Variants in GALNT17 observed in about 807,000 individuals in gnomAD.
The protein encoded by GALNT17 is UDP-GalNAc:polypeptide N-acetylgalactosaminyltransferase-like 3.
Under a neutral mutation model 63.7 loss-of-function variants are expected in GALNT17, and 29 were observed. That is an observed-to-expected ratio of 0.46 (90% confidence interval 0.34 to 0.62). The LOEUF is 0.62. Ranked by LOEUF, GALNT17 falls within the 20% of genes least tolerant of loss-of-function variation. GALNT17 has a pLI of 0.01. For synonymous variants in GALNT17, 305 were observed against 318.3 expected (o/e 0.96, Z 0.45); for missense variants, 603 against 799.6 (o/e 0.75, Z 2.97).
intron 5 of GALNT17, among the ~76,000 whole-genome samples, chr7:71,486,642 G>GC (rs1024305754): frequency 6.6e-6 from 1 of 151,220 alleles, no homozygotes; most frequent in Non-Finnish European, 1.5e-5. Flanking sequence ...GATTGCTTGA[G>GC]CCCAGCAGTT....
intron 5 of GALNT17, among the ~76,000 whole-genome samples, chr7:71,528,358 C>T (rs1039663644): frequency 3.3e-5 from 5 of 152,166 alleles, no homozygotes; most frequent in African/African-American, 1.2e-4. Context: ...ACATCAGCAA[C>T]AGCAAAATTG....
At chr7:71,170,605 G>A (rs192548285) in intron 1 of GALNT17, among the ~76,000 whole-genome samples, 17 of 152,110 alleles carry the variant, frequency 1.1e-4, no homozygotes, top group Middle Eastern at 6.8e-3. Context: ...CAAAGTGCTG[G>A]GATTACAGGC....
chr7:71,524,264 A>C (rs528855475), intron 5 of GALNT17, among the ~76,000 whole-genome samples: 1 of 147,576 alleles, frequency 6.8e-6, no homozygotes, highest in African/African-American at 2.5e-5. Flanking sequence ...ATTATATTAT[A>C]TATAATTATA....
At chr7:71,701,805 A>G (rs866116029) in intron 9 of GALNT17, among the ~76,000 whole-genome samples, 540 of 21,198 alleles carry the variant, frequency 0.025, 9 homozygotes, top group Middle Eastern at 0.038. Flanking sequence ...GTGTGTGTGT[A>G]TATATATATA....
intron 1 of GALNT17, among the ~76,000 whole-genome samples, chr7:71,162,436 T>TCATCCATC (rs1241716615): frequency 1.7e-5 from 2 of 120,776 alleles, no homozygotes; most frequent in Admixed American, 8.0e-5. Context: ...ATCCATCCAT[T>TCATCCATC]CATCCATCCA....
intron 2 of GALNT17, among the ~76,000 whole-genome samples, chr7:71,385,036 T>A (rs545587190): frequency 6.6e-6 from 1 of 152,008 alleles, no homozygotes; most frequent in Non-Finnish European, 1.5e-5. Flanking sequence ...TCTGGGTGAT[T>A]GGGGTGGGGC....
chr7:71,295,954 A>G (rs1447883250), intron 1 of GALNT17, among the ~76,000 whole-genome samples: 10 of 151,200 alleles, frequency 6.6e-5, no homozygotes, highest in East Asian at 1.9e-4. Context: ...TCTGATTCAC[A>G]TATTTTCCTT....
chr7:71,338,440 C>T (rs1791951595), intron 2 of GALNT17, among the ~76,000 whole-genome samples: 1 of 151,978 alleles, frequency 6.6e-6, no homozygotes, highest in African/African-American at 2.4e-5. Flanking sequence ...TGAGGGTCAC[C>T]TGAGTCTGGG....
rs752906357 is a variant in GALNT17, at chr7:71,624,524, G to A, written c.1081-40887G>A. Among the ~76,000 whole-genome samples, 299 of 151,930 alleles carry A rather than the reference G, an allele frequency of 2.0e-3. 1 individual carries two copies. The highest frequency in any genetic ancestry group is 3.1e-3 in the Non-Finnish European group (210 of 68,024). ...GACGTAAAAGAGAATGGAGAAAAAT[G>A]ATGGTTTCATCAGTAAGTGTCATTC... is the stretch of plus-strand genomic sequence containing the variant. On this transcript the variant is annotated intron_variant, in intron 6 of 10. Transcript: ENST00000333538.
chr7:71,705,466 A>C (rs1791709735), intron 9 of GALNT17, among the ~76,000 whole-genome samples: 1 of 152,194 alleles, frequency 6.6e-6, no homozygotes, highest in South Asian at 2.1e-4. Context: ...GTTCCGTAGA[A>C]AGTTAAACAT....
chr7:71,445,427 C>T (rs866854886), intron 5 of GALNT17, among the ~76,000 whole-genome samples: 6 of 151,778 alleles, frequency 4.0e-5, no homozygotes, highest in African/African-American at 1.2e-4. Flanking sequence ...GAACTCCTGA[C>T]CTCAGGTGAT....
At chr7:71,148,860 T>TATATATATATAGATA (rs1554333242) in intron 1 of GALNT17, among the ~76,000 whole-genome samples, 1 of 103,270 alleles carries the variant, frequency 9.7e-6, no homozygotes, top group Non-Finnish European at 1.9e-5. Context: ...TATGGTATTT[T>TATATATATATAGATA]TATATATATA....
chr7:71,626,340 AG>A (rs1790375664), intron 6 of GALNT17, among the ~76,000 whole-genome samples: 1 of 152,080 alleles, frequency 6.6e-6, no homozygotes, highest in African/African-American at 2.4e-5. Flanking sequence ...GAGATGCCTC[AG>A]ATGTAACCAC....
intron 5 of GALNT17, among the ~76,000 whole-genome samples, chr7:71,479,431 G>T (rs1787777995): frequency 6.6e-6 from 1 of 152,198 alleles, no homozygotes; most frequent in Non-Finnish European, 1.5e-5. Flanking sequence ...GGTGGAGACA[G>T]CTTCCTTGAT....
rs1334931663 is a variant in GALNT17 at position 71,271,196 on chromosome 7, T to C, written c.239-64354T>C. On this transcript the variant is annotated intron_variant, in intron 1 of 10. Transcript: ENST00000333538. ...ATTTGCTTTCAATACTTCCTGCTTT[T>C]GGGTGCTGCATATTTTCTTTACAAT... Among the ~76,000 whole-genome samples the C allele has an allele frequency of 3.3e-5, 5 of 152,242 alleles. 1 individual carries two copies. The highest frequency in any genetic ancestry group is 7.3e-5 in the Non-Finnish European group (5 of 68,036).
chr7:71,616,523 A>G (rs1173547584), intron 6 of GALNT17, among the ~76,000 whole-genome samples: 1 of 147,076 alleles, frequency 6.8e-6, no homozygotes, highest in African/African-American at 2.5e-5. Context: ...ATATGTTAAT[A>G]CATTATATGT....
intron 3 of GALNT17, among the ~76,000 whole-genome samples, chr7:71,400,073 G>C (rs1237336124): frequency 6.6e-6 from 1 of 152,122 alleles, no homozygotes; most frequent in Admixed American, 6.6e-5. Context: ...ATGGTGGTTT[G>C]CTGCACCCAT....
At chr7:71,469,956 C>G (rs1787600289) in intron 5 of GALNT17, among the ~76,000 whole-genome samples, 1 of 152,228 alleles carries the variant, frequency 6.6e-6, no homozygotes, top group South Asian at 2.1e-4. Flanking sequence ...CGCCTATAAT[C>G]CCAACACTTT....
chr7:71,294,087 G>A (rs535799852), intron 1 of GALNT17, among the ~76,000 whole-genome samples: 127 of 151,958 alleles, frequency 8.4e-4, no homozygotes, highest in Non-Finnish European at 1.0e-3. Flanking sequence ...GTGTGAACCC[G>A]GGAGGTGGAG....
Sources: allele counts gnomAD v4.1 joint callset (sites outside exome capture counted in the v4.1 genomes callset), GRCh38; gene constraint gnomAD v4.1.1; transcripts MANE v1.5; gene names NCBI Gene and HGNC (gene_info 2026-07-23, HGNC 2026-07-21).